The following ITGB6 variants were observed in gnomAD, a reference collection of about 807,000 sequenced individuals.
ITGB6 encodes the protein integrin beta-6.
A neutral mutation model predicts 84.5 loss-of-function variants in ITGB6; 80 were observed. The ratio of observed to expected loss-of-function variants is 0.95; its 90% CI spans 0.79 to 1.14. The LOEUF is 1.14. Among genes scored for constraint, ITGB6 ranks in the 50% most tolerant of loss-of-function variants. The pLI is 0.00. For synonymous variants in ITGB6, 383 were observed against 354.9 expected, an observed-to-expected ratio of 1.08 and a Z score of -0.89; for missense variants, 1,006 against 968.0, an observed-to-expected ratio of 1.04 and a Z score of -0.52.
At chr2:160,144,577 G>A (rs1035451047) in intron 7 of ITGB6, among the ~76,000 whole-genome samples, 1 of 152,162 alleles carries the variant, frequency 6.6e-6, no homozygotes, top group Non-Finnish European at 1.5e-5. Context: ...ACAAAGAAAA[G>A]TTTTGGTCTC....
chr2:160,151,491 C>G (rs903413648), intron 7 of ITGB6, among the ~76,000 whole-genome samples: 1 of 152,112 alleles, frequency 6.6e-6, no homozygotes, highest in Non-Finnish European at 1.5e-5. Flanking sequence ...CAAGAGAAAG[C>G]AGGAAAGATC....
At chr2:160,112,510 T>TG (rs1482150499) in intron 12 of ITGB6, among the ~76,000 whole-genome samples, 2 of 152,112 alleles carry the variant, frequency 1.3e-5, no homozygotes, top group African/African-American at 2.4e-5. Context: ...GGGAATAGAA[T>TG]GGCCCTGATT....
chr2:160,123,616 T>C (rs181218032), intron 12 of ITGB6, among the ~76,000 whole-genome samples, 175 bp downstream of exon 12: 1 of 152,266 alleles, frequency 6.6e-6, no homozygotes, highest in East Asian at 1.9e-4. Context: ...TCCTGAGACA[T>C]CAAGTTTCTA....
intron 4 of ITGB6, among the ~76,000 whole-genome samples, chr2:160,191,376 A>G (rs1686135620): frequency 1.3e-5 from 2 of 152,192 alleles, no homozygotes; most frequent in African/African-American, 4.8e-5. Context: ...AACTGTGGTC[A>G]TGTAACTAAG....
intron 7 of ITGB6, among the ~76,000 whole-genome samples, chr2:160,152,659 T>C (rs1389578465): frequency 1.3e-5 from 2 of 152,172 alleles, no homozygotes; most frequent in Non-Finnish European, 2.9e-5. Flanking sequence ...AGTCAAATTT[T>C]CCCTGTTTGC....
intron 4 of ITGB6, among the ~76,000 whole-genome samples, chr2:160,187,644 T>A (rs10202454): frequency 2.6e-5 from 4 of 152,006 alleles, no homozygotes; most frequent in African/African-American, 9.7e-5. Context: ...TAAAGAGATT[T>A]CCGAATATGT....
chr2:160,128,044 C>A (rs1371160648), intron 10 of ITGB6, among the ~76,000 whole-genome samples: 3 of 152,172 alleles, frequency 2.0e-5, no homozygotes, highest in African/African-American at 7.2e-5. Flanking sequence ...CACTACTTAA[C>A]ACACTTTAAT....
intron 12 of ITGB6, among the ~76,000 whole-genome samples, chr2:160,118,338 T>G (rs113316079): frequency 6.6e-6 from 1 of 152,202 alleles, no homozygotes; most frequent in East Asian, 1.9e-4. Flanking sequence ...GCTTCATCCC[T>G]GGGATGCAAG....
chr2:160,110,225 C>CCTAGAAAATTATTTAATGTCT (rs1697078968), intron 13 of ITGB6, among the ~76,000 whole-genome samples: 2 of 152,080 alleles, frequency 1.3e-5, no homozygotes, highest in African/African-American at 4.8e-5. Context: ...TACTGCCAGA[C>CCTAGAAAATTATTTAATGTCT]CTAGAAAATT....
At chr2:160,120,105 G>A (rs982015992) in intron 12 of ITGB6, among the ~76,000 whole-genome samples, 19 of 151,756 alleles carry the variant, frequency 1.3e-4, no homozygotes, top group African/African-American at 4.6e-4. Flanking sequence ...GGAAGTCAGT[G>A]TGGCGATTCC....
chr2:160,187,130 G>GA (rs949321768), intron 4 of ITGB6, among the ~76,000 whole-genome samples: 3 of 151,826 alleles, frequency 2.0e-5, no homozygotes, highest in Non-Finnish European at 4.4e-5. Context: ...ATAAAAAATA[G>GA]AAAAAAACAA....
At chr2:160,115,921 G>T (rs989683963) in intron 12 of ITGB6, among the ~76,000 whole-genome samples, 1 of 151,062 alleles carries the variant, frequency 6.6e-6, no homozygotes, top group Non-Finnish European at 1.5e-5. Flanking sequence ...AGTGATGGAA[G>T]ATGAAATGAA....
intron 7 of ITGB6, among the ~76,000 whole-genome samples, chr2:160,164,355 G>A (rs184840484): frequency 2.6e-5 from 4 of 152,146 alleles, no homozygotes; most frequent in African/African-American, 9.7e-5. Flanking sequence ...CCTGTGCGTT[G>A]TAAATCTGTA....
intron 7 of ITGB6, among the ~76,000 whole-genome samples, chr2:160,168,844 C>G (rs550862147): frequency 6.6e-6 from 1 of 152,334 alleles, no homozygotes; most frequent in South Asian, 2.1e-4. Context: ...TGCTCCCACT[C>G]TTAAGATTTT....
intron 4 of ITGB6, among the ~76,000 whole-genome samples, chr2:160,184,426 C>T (rs1050403421): frequency 6.6e-6 from 1 of 152,078 alleles, no homozygotes; most frequent in Non-Finnish European, 1.5e-5. Flanking sequence ...AAGACTAAAC[C>T]AGGAAGAAGT....
chr2:160,179,644 C>T (rs556263192), intron 4 of ITGB6, among the ~76,000 whole-genome samples: 5 of 151,236 alleles, frequency 3.3e-5, no homozygotes, highest in Middle Eastern at 3.4e-3. Flanking sequence ...CTGCCCACCT[C>T]GGCCTCCCAA....
chr2:160,158,691 C>T (rs765714708), intron 7 of ITGB6, among the ~76,000 whole-genome samples: 12 of 152,056 alleles, frequency 7.9e-5, no homozygotes, highest in East Asian at 5.8e-4. Flanking sequence ...ATGAAGGGGA[C>T]GAGAAAATAG....
At chr2:160,112,915 TG>T (rs1444641091) in intron 12 of ITGB6, among the ~76,000 whole-genome samples, 5 of 152,114 alleles carry the variant, frequency 3.3e-5, no homozygotes, top group Admixed American at 1.3e-4. Flanking sequence ...TAAAGTAAAA[TG>T]GCCAATCTGA....
rs546545155 is a variant in ITGB6 at position 160,110,559 on chromosome 2, C to T, written c.2101+1521G>A. On this transcript the variant is annotated intron_variant, in intron 13 of 14. Transcript: ENST00000283249. ...CAGGAAGCCTTCCCGCCTATCATTC[C>T]TTGACTCTGTTGTGGCTCTTATGCT... Among the ~76,000 whole-genome samples the T allele has an allele frequency of 1.2e-3, 177 of 152,288 alleles. 1 individual carries two copies. Among genetic ancestry groups the T allele is most frequent in the African/African-American group, 3.6e-3 (151 of 41,556 alleles).
Sources: allele counts gnomAD v4.1 joint callset (sites outside exome capture counted in the v4.1 genomes callset), GRCh38; gene constraint gnomAD v4.1.1; transcripts MANE v1.5; gene names NCBI Gene and HGNC (gene_info 2026-07-23, HGNC 2026-07-21).